The following PLPP4 variants were observed in gnomAD, a reference collection of about 807,000 sequenced individuals.
PLPP4 encodes the protein diacylglycerol pyrophosphate like 2.
Under a neutral mutation model 32.2 loss-of-function variants are expected in PLPP4, and 20 were observed. That is an observed-to-expected ratio of 0.62 (90% CI 0.44 to 0.90). PLPP4 has a LOEUF of 0.90. Among genes scored for constraint, PLPP4 ranks in the 40% least tolerant of loss-of-function variants. The pLI is 0.00. For missense variants in PLPP4, 257 were observed against 353.1 expected (o/e 0.73, Z 2.18); for synonymous variants, 127 against 133.0 (o/e 0.95, Z 0.31).
intron 5 of PLPP4, among the ~76,000 whole-genome samples, chr10:120,521,321 G>C (rs191760460): frequency 6.6e-6 from 1 of 152,296 alleles, no homozygotes; most frequent in African/African-American, 2.4e-5. Flanking sequence ...GCTTTCATGA[G>C]CTTGGCAGAG....
At chr10:120,523,409 C>T (rs1846253228) in intron 5 of PLPP4, among the ~76,000 whole-genome samples, 1 of 151,718 alleles carries the variant, frequency 6.6e-6, no homozygotes, top group Non-Finnish European at 1.5e-5. Context: ...ATGTTTTTTT[C>T]CTCTATGCAG....
At chr10:120,555,352 A>G (rs1336484779) in intron 5 of PLPP4, among the ~76,000 whole-genome samples, 1 of 152,110 alleles carries the variant, frequency 6.6e-6, no homozygotes, top group East Asian at 1.9e-4. Context: ...TTTAAATCAC[A>G]TTTTGTATTT....
chr10:120,523,572 C>T (rs1846261762), intron 5 of PLPP4, among the ~76,000 whole-genome samples: 1 of 152,114 alleles, frequency 6.6e-6, no homozygotes, highest in Non-Finnish European at 1.5e-5. Flanking sequence ...GGATCAGCTC[C>T]CATCTGCTCT....
chr10:120,510,208 A>G lies in PLPP4; in HGVS notation c.166-3703A>G, dbSNP rs1462870311. 2.6e-5 allele frequency among the ~76,000 whole-genome samples: 4 copies of G among 152,150 alleles called. No homozygotes were observed. The East Asian group carries it at 7.7e-4, about 29-fold the overall frequency. On this transcript the variant is annotated intron_variant, in intron 2 of 6. Coordinates refer to ENST00000398250, the MANE Select transcript of PLPP4 (RefSeq NM_001030059.3). The stretch of plus-strand genomic sequence containing the variant: ...CTAGGTATGTACATTCAGCAGCCCC[A>G]TACTCATAACAAGTGAGCAGAACTC...
intron 1 of PLPP4, among the ~76,000 whole-genome samples, chr10:120,469,946 A>G (rs180725271): frequency 4.9e-4 from 74 of 152,272 alleles, no homozygotes; most frequent in Admixed American, 1.4e-3. Context: ...TGTTGTGTAC[A>G]TTGTAGTGCA....
intron 1 of PLPP4, among the ~76,000 whole-genome samples, chr10:120,488,101 T>C (rs1265388395): frequency 1.3e-5 from 2 of 152,154 alleles, no homozygotes; most frequent in Non-Finnish European, 2.9e-5. Context: ...GTGACATTAT[T>C]CAGGAAGGGC....
chr10:120,566,835 G>A (rs187106303), intron 5 of PLPP4, among the ~76,000 whole-genome samples: 4 of 152,192 alleles, frequency 2.6e-5, no homozygotes, highest in East Asian at 1.9e-4. Context: ...GATTACAGGC[G>A]TGAGCCACGG....
At chr10:120,471,205 A>G (rs1176622713) in intron 1 of PLPP4, among the ~76,000 whole-genome samples, 3 of 152,164 alleles carry the variant, frequency 2.0e-5, no homozygotes, top group African/African-American at 7.2e-5. Context: ...AAGGTATGCT[A>G]TCTCTGTCAA....
At chr10:120,523,362 G>A (rs1474724976) in intron 5 of PLPP4, among the ~76,000 whole-genome samples, 2 of 151,608 alleles carry the variant, frequency 1.3e-5, no homozygotes, top group African/African-American at 2.4e-5. Context: ...TGTGACTTAC[G>A]GCAGAACACC....
intron 1 of PLPP4, among the ~76,000 whole-genome samples, chr10:120,478,956 G>C (rs1844059326): frequency 6.6e-6 from 1 of 152,260 alleles, no homozygotes; most frequent in South Asian, 2.1e-4. Flanking sequence ...GCTGGGCGCA[G>C]TGGCTCACGC....
chr10:120,510,526 A>G (rs952206566), intron 2 of PLPP4, among the ~76,000 whole-genome samples: 4 of 152,180 alleles, frequency 2.6e-5, no homozygotes, highest in Non-Finnish European at 4.4e-5. Flanking sequence ...GTACATCTTC[A>G]TCTGCTCCCC....
chr10:120,575,122 G>A lies in PLPP4; in HGVS notation c.446-9G>A, dbSNP rs549957649. On this transcript the variant is annotated splice_polypyrimidine_tract_variant and intron_variant, in intron 5 of 6. Coordinates refer to ENST00000398250, the MANE Select transcript of PLPP4 (RefSeq NM_001030059.3). ...TGCTAGAGTAACACCTGCTGTTTCTGTTTGGCAGTTGCCTTTTCGGGCCTT... is the reference window on the plus strand; with the variant it reads ...TGCTAGAGTAACACCTGCTGTTTCTATTTGGCAGTTGCCTTTTCGGGCCTT... 69 of 1,611,536 alleles carry A rather than the reference G, an allele frequency of 4.3e-5. No individual in the cohort carries two copies. In the South Asian group the frequency reaches 7.1e-4, roughly 16 times the overall value.
intron 1 of PLPP4, among the ~76,000 whole-genome samples, chr10:120,463,847 C>T (rs1848189223): frequency 6.6e-6 from 1 of 152,140 alleles, no homozygotes; most frequent in Non-Finnish European, 1.5e-5. Flanking sequence ...TAGAGTCTTG[C>T]TCTGTCGCCC....
intron 1 of PLPP4, among the ~76,000 whole-genome samples, chr10:120,497,772 G>A (rs992151953): frequency 4.6e-5 from 7 of 152,050 alleles, no homozygotes; most frequent in African/African-American, 7.2e-5. Flanking sequence ...CAGGGGCGGC[G>A]GCTCACACCT....
chr10:120,526,792 G>A (rs904268317), intron 5 of PLPP4, among the ~76,000 whole-genome samples: 2 of 152,206 alleles, frequency 1.3e-5, no homozygotes, highest in African/African-American at 4.8e-5. Context: ...CCACCTATTT[G>A]CCTGTTTCTA....
chr10:120,575,074 C>T (rs1849151068), intron 5 of PLPP4, 57 bp from the exon 6 acceptor site: 9 of 1,562,080 alleles, frequency 5.8e-6, no homozygotes, highest in Admixed American at 1.7e-5. Context: ...CCAGCACGCA[C>T]TGAGTCCCTG....
rs1477717291 is a variant in PLPP4, at chr10:120,518,839, C to T, written c.263C>T (p.Ser88Phe). 1 of 1,612,134 alleles carries T rather than the reference C, an allele frequency of 6.2e-7. No homozygotes were observed. Residue 88 changes from serine to phenylalanine, a missense_variant, in exon 4 of 7, where the codon TCC (serine) becomes TTC (phenylalanine). By Grantham distance (155) the Ser-to-Phe change is radical (BLOSUM62 -2). Coordinates refer to ENST00000398250, the MANE Select transcript of PLPP4 (RefSeq NM_001030059.3). ...TEIKEAFLAV[S>F]LALALNGVCT... Reference sequence around the variant, plus strand: ...TGTTGGTTTTGTTTTGTAGCGGTGTCCTTGGCTCTTGCTTTGAATGGAGTC... The same window carrying T: ...TGTTGGTTTTGTTTTGTAGCGGTGTTCTTGGCTCTTGCTTTGAATGGAGTC...
chr10:120,576,497 G>C (rs995826247), intron 6 of PLPP4, among the ~76,000 whole-genome samples: 22 of 152,188 alleles, frequency 1.4e-4, no homozygotes, highest in African/African-American at 5.1e-4. Flanking sequence ...TGGAGACCTT[G>C]TGCTCCTTCT....
chr10:120,531,306 G>A (rs1186068023), intron 5 of PLPP4, among the ~76,000 whole-genome samples: 3 of 151,886 alleles, frequency 2.0e-5, no homozygotes, highest in East Asian at 1.9e-4. Context: ...GGGATTCACC[G>A]TGTTGGCCAG....
Sources: allele counts gnomAD v4.1 joint callset (sites outside exome capture counted in the v4.1 genomes callset), GRCh38; gene constraint gnomAD v4.1.1; transcripts MANE v1.5; gene names NCBI Gene and HGNC (gene_info 2026-07-23, HGNC 2026-07-21).